Variants in MBOAT1 observed in about 807,000 individuals in gnomAD.
The protein encoded by MBOAT1 is membrane bound glycerophospholipid O-acyltransferase 1, also known as membrane-bound glycerophospholipid O-acyltransferase 1.
Under a neutral mutation model 64.4 loss-of-function variants are expected in MBOAT1, and 67 were observed. The ratio of observed to expected loss-of-function variants is 1.04; its 90% confidence interval spans 0.85 to 1.27. The LOEUF is 1.27. Ranked by LOEUF, MBOAT1 falls within the 50% of genes most tolerant of loss-of-function variation. The probability of loss-of-function intolerance (pLI) is 0.00; values close to 1 mark genes in which losing one functional copy is unlikely to be tolerated. For missense variants in MBOAT1, 563 were observed against 604.6 expected (o/e 0.93, Z 0.72); for synonymous variants, 229 against 218.9 (o/e 1.05, Z -0.41).
intron 1 of MBOAT1, among the ~76,000 whole-genome samples, chr6:20,210,281 C>T (rs2113782083): frequency 6.6e-6 from 1 of 152,308 alleles, no homozygotes; most frequent in East Asian, 1.9e-4. Flanking sequence ...GAATTGCACC[C>T]AGGTCAGTCT....
At chr6:20,138,790 A>C (rs1460612087) in intron 4 of MBOAT1, among the ~76,000 whole-genome samples, 1 of 152,130 alleles carries the variant, frequency 6.6e-6, no homozygotes, top group Non-Finnish European at 1.5e-5. Context: ...GAGAAATTAC[A>C]AGCTGGGTGG....
chr6:20,143,890 A>G (rs548704006), intron 4 of MBOAT1, among the ~76,000 whole-genome samples: 123 of 152,300 alleles, frequency 8.1e-4, no homozygotes, highest in African/African-American at 2.9e-3. Flanking sequence ...TTTCACAACT[A>G]CTCAACTCTG....
At chr6:20,183,140 C>T (rs1287168043) in intron 1 of MBOAT1, among the ~76,000 whole-genome samples, 1 of 152,146 alleles carries the variant, frequency 6.6e-6, no homozygotes, top group Non-Finnish European at 1.5e-5. Context: ...GACTCCCTCA[C>T]TCAAGGCACC....
intron 9 of MBOAT1, among the ~76,000 whole-genome samples, chr6:20,116,095 G>A (rs1253309007): frequency 2.0e-5 from 3 of 152,164 alleles, no homozygotes; most frequent in Non-Finnish European, 4.4e-5. Context: ...ACTTTGGGAA[G>A]CCGAGGCAGG....
At chr6:20,211,174 C>G (rs145654754) in intron 1 of MBOAT1, among the ~76,000 whole-genome samples, 48 of 152,268 alleles carry the variant, frequency 3.2e-4, no homozygotes, top group Non-Finnish European at 4.7e-4. Flanking sequence ...CTCACTTTCT[C>G]ATTGCTGAAG....
At chr6:20,186,615 TG>T (rs1762662502) in intron 1 of MBOAT1, among the ~76,000 whole-genome samples, 1 of 152,212 alleles carries the variant, frequency 6.6e-6, no homozygotes, top group African/African-American at 2.4e-5. Context: ...GTCGCCACTT[TG>T]GGGCAGAGTC....
At chr6:20,208,841 T>G (rs75511078) in intron 1 of MBOAT1, among the ~76,000 whole-genome samples, 11,339 of 152,306 alleles carry the variant, frequency 0.074, 552 homozygotes, top group Non-Finnish European at 0.11. Context: ...TGGAAGTTCC[T>G]TAAAGCCTGG....
At position 20,102,248 on chromosome 6, in the gene MBOAT1, G is replaced by A. The variant is rs772235980; in HGVS notation, c.*38C>T. ...AGCCTTGTCATCTCATCTTTCGAACGTTCTGCAGTTTTGCTTGTTCCGCTT... is the reference window on the plus strand; with the variant it reads ...AGCCTTGTCATCTCATCTTTCGAACATTCTGCAGTTTTGCTTGTTCCGCTT... On this transcript the variant is annotated 3_prime_UTR_variant, in exon 13 of 13. Transcript: ENST00000324607. 52 of 1,599,228 alleles carry A rather than the reference G, an allele frequency of 3.3e-5. No individual in the cohort carries two copies. The highest frequency in any genetic ancestry group is 2.7e-4 in the South Asian group (24 of 89,290).
chr6:20,150,653 C>G (rs1761464746), intron 3 of MBOAT1, among the ~76,000 whole-genome samples: 1 of 150,578 alleles, frequency 6.6e-6, no homozygotes, highest in East Asian at 1.9e-4. Flanking sequence ...ACCTCTGCCT[C>G]CTGGGTTCAA....
intron 1 of MBOAT1, among the ~76,000 whole-genome samples, chr6:20,182,110 C>A (rs1327945976): frequency 1.3e-5 from 2 of 152,138 alleles, no homozygotes; most frequent in African/African-American, 4.8e-5. Flanking sequence ...CTGAGTAATG[C>A]ATGGAAAGTA....
At chr6:20,150,299 A>G (rs1761452723) in intron 3 of MBOAT1, among the ~76,000 whole-genome samples, 2 of 152,118 alleles carry the variant, frequency 1.3e-5, no homozygotes, top group Non-Finnish European at 1.5e-5. Context: ...TATATTTGAT[A>G]TATATAGATA....
At chr6:20,113,787 G>C (rs538575672) in intron 10 of MBOAT1, among the ~76,000 whole-genome samples, 1 of 149,848 alleles carries the variant, frequency 6.7e-6, no homozygotes, top group Admixed American at 6.6e-5. Context: ...TAAATGAGAG[G>C]TCAAATAAAT....
rs148711305 is a variant in MBOAT1 at position 20,126,518 on chromosome 6, G to T, written c.713C>A (p.Thr238Lys). 6.2e-7 allele frequency: 1 copy of T among 1,606,408 alleles called. No individual in the cohort carries two copies. Among genetic ancestry groups the T allele is most frequent in the Non-Finnish European group, 8.5e-7 (1 of 1,178,172 alleles). The change falls in exon 7 of 13, where the codon ACA becomes AAA. Residue 238 changes from threonine to lysine, a missense_variant and splice_region_variant. Coordinates refer to ENST00000324607, the MANE Select transcript of MBOAT1 (RefSeq NM_001080480.3). ...ATTCTCTAGACACTAAAAACTTACT[G>T]TGGGAGAAGGTTCTGGCAAGCTGTG... Reference protein sequence around the residue: ...GFHSLPEPSPTGAVIHKLGIT... With the variant: ...GFHSLPEPSPKGAVIHKLGIT...
chr6:20,174,873 AAGTT>A (rs1455420837), intron 1 of MBOAT1, among the ~76,000 whole-genome samples: 2 of 152,192 alleles, frequency 1.3e-5, no homozygotes, highest in East Asian at 3.9e-4. Flanking sequence ...TCAAAGCAAA[AAGTT>A]AGTTATGACT....
At chr6:20,184,880 A>AGTGTGTGTGTGTGTGT (rs58865791) in intron 1 of MBOAT1, among the ~76,000 whole-genome samples, 5,575 of 142,876 alleles carry the variant, frequency 0.039, 168 homozygotes, top group Non-Finnish European at 0.051. Context: ...TTATAACTGC[A>AGTGTGTGTGTGTGTGT]GTGTGTGTGT....
chr6:20,183,886 A>AGC (rs746290860), intron 1 of MBOAT1, among the ~76,000 whole-genome samples: 2 of 152,344 alleles, frequency 1.3e-5, no homozygotes, highest in Non-Finnish European at 2.9e-5. Flanking sequence ...GGCGAAAGGC[A>AGC]CTTCTTACAT....
chr6:20,208,975 T>C (rs1166256534), intron 1 of MBOAT1, among the ~76,000 whole-genome samples: 1 of 152,226 alleles, frequency 6.6e-6, no homozygotes, highest in African/African-American at 2.4e-5. Context: ...TGCAAACCTT[T>C]AGTTTAAAGG....
At chr6:20,128,635 T>C in intron 6 of MBOAT1, 64 bp downstream of exon 6, 1 of 1,207,258 alleles carries the variant, frequency 8.3e-7, no homozygotes, top group Non-Finnish European at 1.2e-6. Flanking sequence ...TATTTTTAAA[T>C]GAGGAAAATC....
At chr6:20,115,860 G>A (rs1012157541) in intron 9 of MBOAT1, among the ~76,000 whole-genome samples, 27 of 152,032 alleles carry the variant, frequency 1.8e-4, no homozygotes, top group African/African-American at 6.3e-4. Context: ...TTCTGGAATA[G>A]TAAGAGATTT....
Sources: gnomAD v4.1 joint callset for allele counts (sites outside exome capture counted in the v4.1 genomes callset) on GRCh38, gnomAD v4.1.1 for gene constraint, MANE v1.5 for transcripts, NCBI Gene and HGNC (gene_info 2026-07-23, HGNC 2026-07-21) for gene names.